RARB: variants seen among roughly 807,000 people sequenced by gnomAD.
RARB encodes the protein retinoic acid receptor beta.
RARB carries 17 observed loss-of-function variants against 51.9 expected under a neutral mutation model. That is an observed-to-expected ratio of 0.33 (90% CI 0.22 to 0.49). The LOEUF is 0.49. RARB is among the 20% of genes least tolerant of loss of function. The pLI is 0.99. For missense variants in RARB, 369 were observed against 550.8 expected (o/e 0.67, Z 3.30); for synonymous variants, 215 against 195.4 (o/e 1.10, Z -0.84).
chr3:25,001,522 C>A (rs1023324992), intron 2 of RARB, among the ~76,000 whole-genome samples: 1 of 152,072 alleles, frequency 6.6e-6, no homozygotes, highest in African/African-American at 2.4e-5. Flanking sequence ...ATTTTACAGG[C>A]TGATGTTGGC....
At position 25,234,676 on chromosome 3, in the gene RARB, G is replaced by T. The variant is rs371384927; in HGVS notation, c.178+60101G>T. On this transcript the variant is annotated intron_variant, in intron 5 of 11. Transcript: ENST00000383772. ...TTTTCATAGTCTCTCGTCCCAAATA[G>T]TTCCCTTTTCTTCATTCCTCTGACC... is the stretch of plus-strand genomic sequence containing the variant. Among the ~76,000 whole-genome samples, 314 of 151,888 alleles carry T rather than the reference G, an allele frequency of 2.1e-3. 1 individual carries two copies. Among genetic ancestry groups the T allele is most frequent in the African/African-American group, 7.2e-3 (298 of 41,428 alleles).
chr3:25,132,556 C>G (rs1481665567), intron 4 of RARB, among the ~76,000 whole-genome samples: 1 of 151,694 alleles, frequency 6.6e-6, no homozygotes, highest in Non-Finnish European at 1.5e-5. Context: ...TTGATTCTCT[C>G]AAAAAACGTT....
At chr3:24,903,456 T>A (rs1359517433) in intron 2 of RARB, among the ~76,000 whole-genome samples, 1 of 152,184 alleles carries the variant, frequency 6.6e-6, no homozygotes, top group African/African-American at 2.4e-5. Flanking sequence ...TCTTTATATA[T>A]TTGTAATCAC....
intron 2 of RARB, among the ~76,000 whole-genome samples, chr3:25,480,286 A>G (rs2125580651): frequency 6.6e-6 from 1 of 152,328 alleles, no homozygotes; most frequent in African/African-American, 2.4e-5. Flanking sequence ...AAGAGCACGT[A>G]TCTAGAATTT....
At chr3:25,101,699 G>T (rs2125321375) in intron 3 of RARB, among the ~76,000 whole-genome samples, 1 of 147,666 alleles carries the variant, frequency 6.8e-6, no homozygotes, top group East Asian at 2.0e-4. Context: ...CATACTTCTT[G>T]ATTCTTTCCA....
chr3:25,315,741 G>A lies in RARB; in HGVS notation c.178+141166G>A, dbSNP rs1704406717. On this transcript the variant is annotated intron_variant, in intron 5 of 11. Coordinates refer to the RARB transcript ENST00000383772. ...CGATTCTCGTGCCTCAGCCTCCAGA[G>A]TAGCTGGAATTACAGGCATGCACCA... Among the ~76,000 whole-genome samples the A allele has an allele frequency of 1.3e-5, 2 of 152,014 alleles. 1 individual carries two copies. The highest frequency in any genetic ancestry group is 4.1e-4 in the South Asian group (2 of 4,832).
At chr3:24,968,828 C>A (rs1033344375) in intron 2 of RARB, among the ~76,000 whole-genome samples, 2 of 152,100 alleles carry the variant, frequency 1.3e-5, no homozygotes, top group African/African-American at 4.8e-5. Context: ...GGGTAGACTA[C>A]CCAAAGACTT....
At chr3:25,223,564 G>A (rs1306727410) in intron 5 of RARB, among the ~76,000 whole-genome samples, 1 of 152,140 alleles carries the variant, frequency 6.6e-6, no homozygotes, top group East Asian at 1.9e-4. Context: ...TTCCCATTAT[G>A]TCTGCAATAT....
chr3:25,454,459 T>TA (rs1694794106), intron 1 of RARB, among the ~76,000 whole-genome samples: 1 of 152,190 alleles, frequency 6.6e-6, no homozygotes, highest in Admixed American at 6.5e-5. Context: ...GGCTCAAAAT[T>TA]CCCCTGGGGC....
At chr3:25,117,668 G>A (rs1699710912) in intron 3 of RARB, among the ~76,000 whole-genome samples, 1 of 152,142 alleles carries the variant, frequency 6.6e-6, no homozygotes, top group Non-Finnish European at 1.5e-5. Flanking sequence ...TAATGGCAGT[G>A]AAGATATAAG....
intron 5 of RARB, among the ~76,000 whole-genome samples, chr3:25,360,253 C>T (rs2125463162): frequency 6.6e-6 from 1 of 152,222 alleles, no homozygotes; most frequent in African/African-American, 2.4e-5. Flanking sequence ...CTCTTTTGAT[C>T]TTTGTTGGTT....
chr3:24,959,772 G>C (rs1046312412), intron 2 of RARB, among the ~76,000 whole-genome samples: 12 of 152,212 alleles, frequency 7.9e-5, no homozygotes, highest in Non-Finnish European at 1.6e-4. Context: ...AGAGAGGAAG[G>C]GAGGCTACAA....
At chr3:25,468,964 G>A (rs1010742427) in intron 2 of RARB, among the ~76,000 whole-genome samples, 1 of 152,256 alleles carries the variant, frequency 6.6e-6, no homozygotes, top group Non-Finnish European at 1.5e-5. Flanking sequence ...GTGATGGCGT[G>A]TCTTCTCCAC....
At chr3:24,974,957 A>T (rs1010233760) in intron 2 of RARB, among the ~76,000 whole-genome samples, 12 of 152,286 alleles carry the variant, frequency 7.9e-5, no homozygotes, top group African/African-American at 2.9e-4. Flanking sequence ...CACACTGGCC[A>T]ATCAGTATGG....
chr3:25,320,000 G>A (rs1049766012), intron 5 of RARB, among the ~76,000 whole-genome samples: 2 of 150,348 alleles, frequency 1.3e-5, no homozygotes, highest in African/African-American at 2.4e-5. Flanking sequence ...CATTTTCTCT[G>A]TAATGAACTA....
intron 4 of RARB, among the ~76,000 whole-genome samples, chr3:25,162,889 A>G (rs1252933422): frequency 6.6e-6 from 1 of 152,242 alleles, no homozygotes; most frequent in Admixed American, 6.5e-5. Context: ...ACATTTGTGT[A>G]CGAGGTTTTA....
intron 2 of RARB, among the ~76,000 whole-genome samples, chr3:25,051,832 G>A (rs1698340046): frequency 6.6e-6 from 1 of 152,088 alleles, no homozygotes; most frequent in Non-Finnish European, 1.5e-5. Flanking sequence ...CTTGAAGGGA[G>A]GAAGCATCTT....
chr3:25,058,970 C>T (rs569324527), intron 2 of RARB, among the ~76,000 whole-genome samples: 51 of 151,298 alleles, frequency 3.4e-4, no homozygotes, highest in African/African-American at 1.2e-3. Context: ...AAATTTTACC[C>T]ATAATTCTAC....
chr3:24,945,102 T>C (rs1575084377), intron 2 of RARB, among the ~76,000 whole-genome samples: 1 of 152,334 alleles, frequency 6.6e-6, no homozygotes. Flanking sequence ...ACATTATCTA[T>C]TATGTTGAAG....
Sources: gnomAD v4.1 joint callset for allele counts (sites outside exome capture counted in the v4.1 genomes callset) on GRCh38, gnomAD v4.1.1 for gene constraint, MANE v1.5 for transcripts, NCBI Gene and HGNC (gene_info 2026-07-23, HGNC 2026-07-21) for gene names.